Variants in KCNH7 observed in about 807,000 individuals in gnomAD.
The protein encoded by KCNH7 is potassium voltage-gated channel subfamily H member 7.
KCNH7 carries 49 observed loss-of-function variants against 120.8 expected under a neutral mutation model. That is an observed-to-expected ratio of 0.41 (90% CI 0.32 to 0.51). KCNH7 has a LOEUF of 0.51. Ranked by LOEUF, KCNH7 falls within the 20% of genes least tolerant of loss-of-function variation. The probability of loss-of-function intolerance (pLI) is 0.38; values close to 1 mark genes in which losing one functional copy is unlikely to be tolerated. For missense variants in KCNH7, 1,097 were observed against 1,446.6 expected (o/e 0.76, Z 3.92); for synonymous variants, 547 against 516.1 (o/e 1.06, Z -0.81).
intron 2 of KCNH7, among the ~76,000 whole-genome samples, chr2:162,578,741 A>G (rs1205980181): frequency 1.3e-5 from 2 of 152,104 alleles, no homozygotes; most frequent in African/African-American, 4.8e-5. Context: ...ACAAATGCAA[A>G]GGAGAAAAGT....
intron 9 of KCNH7, among the ~76,000 whole-genome samples, chr2:162,408,453 G>T (rs1489504716): frequency 6.6e-6 from 1 of 151,844 alleles, no homozygotes; most frequent in South Asian, 2.1e-4. Flanking sequence ...CTGTTAACTT[G>T]GCACTCCGAA....
intron 2 of KCNH7, among the ~76,000 whole-genome samples, chr2:162,688,732 CT>C (rs71410027): frequency 0.018 from 2,452 of 137,658 alleles, 33 homozygotes; most frequent in East Asian, 0.084. Context: ...TGCCCCCATT[CT>C]TTTTTTTTTT....
rs551956210 is a variant in KCNH7 at position 162,705,851 on chromosome 2, A to T, written c.307+130686T>A. Among the ~76,000 whole-genome samples the T allele has an allele frequency of 5.7e-4, 87 of 152,304 alleles. 1 individual carries two copies. In the South Asian group the frequency reaches 0.018, roughly 31 times the overall value. ...AACCAATTTGGAAAAGACCAAAAAA[A>T]TGACTTAAAAATTAAGTGAAAACAC... On this transcript the variant is annotated intron_variant, in intron 2 of 15. Transcript: ENST00000332142.
rs1160555236 is a variant in KCNH7 at position 162,612,730 on chromosome 2, C to A, written c.308-75650G>T. On this transcript the variant is annotated intron_variant, in intron 2 of 15. Coordinates refer to ENST00000332142, the MANE Select transcript of KCNH7 (RefSeq NM_033272.4). ...ATTTAGTGACTGAGTATATAATATACATACATACATTTGAAACATTTAGAG... is the reference window on the plus strand; with the variant it reads ...ATTTAGTGACTGAGTATATAATATAAATACATACATTTGAAACATTTAGAG... Among the ~76,000 whole-genome samples the A allele has an allele frequency of 4.6e-5, 7 of 151,976 alleles. No individual in the cohort carries two copies. The East Asian group carries it at 7.7e-4, about 17-fold the overall frequency.
intron 2 of KCNH7, among the ~76,000 whole-genome samples, chr2:162,792,795 GTGTGTGTGTGTGTC>G (rs1684002186): frequency 2.2e-5 from 2 of 90,552 alleles, no homozygotes; most frequent in Admixed American, 1.3e-4. Flanking sequence ...GTGTGTGTGT[GTGTGTGTGTGTGTC>G]TCAATCTCCT....
At chr2:162,798,161 C>T (rs1330000758) in intron 2 of KCNH7, among the ~76,000 whole-genome samples, 3 of 152,072 alleles carry the variant, frequency 2.0e-5, no homozygotes, top group Non-Finnish European at 4.4e-5. Context: ...TTATAGATCA[C>T]TTATACCACT....
At chr2:162,544,453 A>G (rs1442349497) in intron 2 of KCNH7, among the ~76,000 whole-genome samples, 2 of 152,124 alleles carry the variant, frequency 1.3e-5, no homozygotes, top group Non-Finnish European at 2.9e-5. Context: ...AAATGGCAAT[A>G]GTACCATTAT....
At position 162,373,569 on chromosome 2, in the gene KCNH7, T is replaced by G. The variant is rs755196715; in HGVS notation, c.3225A>C (p.Thr1075=). ...TGGGTCTCTGATATTCTGATCCTGCTGTTACCATACTGTAGGCTGGGGGGA... is the reference window on the plus strand; with the variant it reads ...TGGGTCTCTGATATTCTGATCCTGCGGTTACCATACTGTAGGCTGGGGGGA... ...TVVPPAYSMV[T]AGSEYQRPII... Residue 1075 remains threonine (T), a synonymous_variant, in exon 15 of 16, where the codon ACA becomes ACC. Transcript: ENST00000332142. The G allele has an allele frequency of 3.1e-6, 5 of 1,595,720 alleles. No individual in the cohort carries two copies. Among genetic ancestry groups the G allele is most frequent in the Non-Finnish European group, 4.3e-6 (5 of 1,170,964 alleles).
chr2:162,811,089 G>A (rs989606673), intron 2 of KCNH7, among the ~76,000 whole-genome samples: 7 of 152,034 alleles, frequency 4.6e-5, no homozygotes, highest in Admixed American at 3.9e-4. Flanking sequence ...TTTCTACAAA[G>A]TAAATACATT....
chr2:162,381,086 C>G (rs1468769785), intron 13 of KCNH7, among the ~76,000 whole-genome samples: 2 of 151,860 alleles, frequency 1.3e-5, no homozygotes, highest in African/African-American at 2.4e-5. Flanking sequence ...TGGGAGTTGA[C>G]TTTGGAGATA....
At chr2:162,633,042 T>G (rs975469628) in intron 2 of KCNH7, among the ~76,000 whole-genome samples, 4 of 151,900 alleles carry the variant, frequency 2.6e-5, no homozygotes, top group African/African-American at 9.7e-5. Flanking sequence ...GTAACTGCCT[T>G]GGAAAAGTAT....
chr2:162,728,593 A>G (rs1257778212), intron 2 of KCNH7, among the ~76,000 whole-genome samples: 1 of 152,192 alleles, frequency 6.6e-6, no homozygotes, highest in Non-Finnish European at 1.5e-5. Flanking sequence ...AGCCTGACCA[A>G]CACGGAGAAA....
intron 2 of KCNH7, among the ~76,000 whole-genome samples, chr2:162,651,531 C>T (rs986235071): frequency 6.6e-6 from 1 of 152,002 alleles, no homozygotes; most frequent in Non-Finnish European, 1.5e-5. Flanking sequence ...GCAAAATACA[C>T]AATCTTTTTT....
In KCNH7 at chr2:162,729,162, A is replaced by ATTTT. The variant is rs1412794660; in HGVS notation, c.307+107371_307+107374dup. 1.6e-3 allele frequency among the ~76,000 whole-genome samples: 191 copies of ATTTT among 119,876 alleles called. 3 individuals are homozygous for ATTTT. The highest frequency in any genetic ancestry group is 6.0e-3 in the African/African-American group (180 of 30,252). The allele number at this position is 119,876 out of a possible 152,430, so 78.6% of individuals were successfully genotyped here. A position where few individuals can be genotyped will look rare whatever the true frequency, so the allele number is the denominator to read the frequency against. On this transcript the variant is annotated intron_variant, in intron 2 of 15. Transcript: ENST00000332142. ...ATTGTCATTTTGTCAATATACCCAA[A>ATTTT]TTTTTTTTTTTTTTTTTTTTTGAGA... is the stretch of plus-strand genomic sequence containing the variant.
intron 2 of KCNH7, among the ~76,000 whole-genome samples, chr2:162,553,527 T>C (rs1161384942): frequency 6.6e-6 from 1 of 152,090 alleles, no homozygotes; most frequent in Non-Finnish European, 1.5e-5. Context: ...CGGGCGCCTG[T>C]AGTCCCAGCT....
chr2:162,508,492 C>T (rs6753132), intron 5 of KCNH7, among the ~76,000 whole-genome samples: 5,317 of 151,458 alleles, frequency 0.035, 403 homozygotes, highest in Admixed American at 0.18. Context: ...GATAATTATG[C>T]TTCTTTCTAC....
intron 12 of KCNH7, among the ~76,000 whole-genome samples, chr2:162,391,283 TTTATA>T (rs1686738339): frequency 6.6e-6 from 1 of 152,112 alleles, no homozygotes. Flanking sequence ...TTCTCTGTTC[TTTATA>T]TTATGTGTAT....
At chr2:162,463,260 C>A (rs975427242) in intron 6 of KCNH7, among the ~76,000 whole-genome samples, 3 of 151,934 alleles carry the variant, frequency 2.0e-5, no homozygotes, top group African/African-American at 7.2e-5. Flanking sequence ...TCCACAGAAC[C>A]ATAAGAAGTA....
chr2:162,754,721 G>A (rs1391495599), intron 2 of KCNH7, among the ~76,000 whole-genome samples: 1 of 152,112 alleles, frequency 6.6e-6, no homozygotes, highest in Non-Finnish European at 1.5e-5. Context: ...AAAAGGAGAT[G>A]GAGAAAAGTA....
Sources: gnomAD v4.1 joint callset for allele counts (sites outside exome capture counted in the v4.1 genomes callset) on GRCh38, gnomAD v4.1.1 for gene constraint, MANE v1.5 for transcripts, NCBI Gene and HGNC (gene_info 2026-07-23, HGNC 2026-07-21) for gene names.